The following CFAP97D2 variants were observed in gnomAD, a reference collection of about 807,000 sequenced individuals.
CFAP97D2 encodes uncharacterized protein CFAP97D2.
chr13:114,205,565 G>A (rs2080936030), intron 3 of CFAP97D2, among the ~76,000 whole-genome samples: 1 of 152,158 alleles, frequency 6.6e-6, no homozygotes, highest in Non-Finnish European at 1.5e-5. Flanking sequence ...AGTGAGGGTT[G>A]AACTTCTCTA....
chr13:114,219,197 T>G (rs1343660605), intron 4 of CFAP97D2, among the ~76,000 whole-genome samples: 1 of 152,244 alleles, frequency 6.6e-6, no homozygotes, highest in Non-Finnish European at 1.5e-5. Context: ...ATTTTTAATA[T>G]CTTTGGGTCA....
At position 114,196,261 on chromosome 13, in the gene CFAP97D2, C is replaced by T. The variant is rs190363154; in HGVS notation, c.91-135C>T. 74 of 396,920 alleles carry T rather than the reference C, an allele frequency of 1.9e-4. 1 individual carries two copies. In the East Asian group the frequency reaches 2.6e-3, roughly 14 times the overall value. 24.6% of individuals were successfully genotyped at this position (396,920 alleles called of 1,614,324 possible). ...GATACTCGGATTCCAAATCTAAGCA[C>T]GAGCCTCTTTCAGAACTTCAGGCCG... On this transcript the variant is annotated intron_variant, in intron 1 of 4. Coordinates refer to ENST00000646158, the Ensembl canonical transcript of CFAP97D2.
Position 114,189,584 on chromosome 13 carries a change from A to G in CFAP97D2, c.91-6812A>G, listed in dbSNP as rs950240676. 3.9e-5 allele frequency among the ~76,000 whole-genome samples: 6 copies of G among 152,220 alleles called. No individual in the cohort carries two copies. Among genetic ancestry groups the G allele is most frequent in the Non-Finnish European group, 4.4e-5 (3 of 68,044 alleles). ...GATGCAAAAATCCACAGCAAAACTT[A>G]GCAAATTCGATTAAAAGTGTATAAA... On this transcript the variant is annotated intron_variant, in intron 1 of 4. Transcript: ENST00000646158. This position sits in a 1 kb window ranked among gnomAD's most constrained non-coding sequence, Gnocchi z 4.5.
chr13:114,204,469 A>G (rs1227854992), intron 3 of CFAP97D2, among the ~76,000 whole-genome samples: 1 of 152,244 alleles, frequency 6.6e-6, no homozygotes, highest in Non-Finnish European at 1.5e-5. Context: ...TAAGAAAGCT[A>G]TAGTAATCAA....
chr13:114,214,325 C>T (rs1489152319), intron 4 of CFAP97D2: 7 of 152,220 alleles, frequency 4.6e-5, no homozygotes, highest in Non-Finnish European at 1.0e-4. Context: ...CAGCTACTAA[C>T]TCTGAAGGCA....
At chr13:114,221,298 A>G (rs1261391146) in intron 4 of CFAP97D2, among the ~76,000 whole-genome samples, 1 of 152,232 alleles carries the variant, frequency 6.6e-6, no homozygotes, top group East Asian at 1.9e-4. Flanking sequence ...GCAAAAGATA[A>G]ATTTGAGTTT....
intron 1 of CFAP97D2, among the ~76,000 whole-genome samples, chr13:114,182,032 G>C (rs149433398): frequency 6.6e-5 from 10 of 151,942 alleles, no homozygotes; most frequent in Non-Finnish European, 1.0e-4. Context: ...CCAGGGGACC[G>C]GCGCTCAGCA....
chr13:114,188,650 G>A (rs1229156627), intron 1 of CFAP97D2, among the ~76,000 whole-genome samples: 4 of 151,602 alleles, frequency 2.6e-5, no homozygotes, highest in Admixed American at 6.6e-5. Context: ...GGTGGTGGGC[G>A]CCTGTAGTCC....
chr13:114,197,151 G>A (rs1432198434), intron 2 of CFAP97D2, among the ~76,000 whole-genome samples: 1 of 152,112 alleles, frequency 6.6e-6, no homozygotes, highest in African/African-American at 2.4e-5. Context: ...ATTCTCTCCT[G>A]GATCAGGAAA....
intron 1 of CFAP97D2, among the ~76,000 whole-genome samples, chr13:114,193,859 T>A (rs1376271263): frequency 6.6e-6 from 1 of 152,216 alleles, no homozygotes; most frequent in African/African-American, 2.4e-5. Flanking sequence ...CTTGAACTCC[T>A]GACCTCAGAT....
At position 114,211,922 on chromosome 13, in the gene CFAP97D2, G is replaced by C; in HGVS notation, c.301G>C (p.Gly101Arg). 2.5e-6 allele frequency: 1 copy of C among 398,724 alleles called. No individual in the cohort carries two copies. 24.7% of individuals were successfully genotyped at this position (398,724 alleles called of 1,614,324 possible). Residue 101 changes from glycine (G) to arginine (R), a missense_variant, in exon 4 of 5, where the codon GGG (glycine) becomes CGG (arginine). Gly to Arg is a moderately radical substitution (Grantham distance 125). Coordinates refer to ENST00000646158, the Ensembl canonical transcript of CFAP97D2. This position sits in a 1 kb window ranked among gnomAD's most constrained non-coding sequence, Gnocchi z 4.2. ...TGCTCTTTCGTGGAGTCTGCACAGG[G>C]GGAAGAGAGAACAGGAACTTCGCAG...
chr13:114,221,089 A>G (rs1263453934), intron 4 of CFAP97D2, among the ~76,000 whole-genome samples: 1 of 152,230 alleles, frequency 6.6e-6, no homozygotes, highest in African/African-American at 2.4e-5. Flanking sequence ...TCTACTAAAA[A>G]TACAAAAATT....
chr13:114,216,876 A>G (rs1177354344), intron 4 of CFAP97D2, among the ~76,000 whole-genome samples: 1 of 152,252 alleles, frequency 6.6e-6, no homozygotes, highest in African/African-American at 2.4e-5. Context: ...ACTGTCTTCC[A>G]CAATGGTTGA....
At chr13:114,184,172 A>C (rs766001430) in intron 1 of CFAP97D2, among the ~76,000 whole-genome samples, 4 of 152,238 alleles carry the variant, frequency 2.6e-5, no homozygotes, top group Non-Finnish European at 4.4e-5. Flanking sequence ...CCGAACAGCC[A>C]AACAAGGAAC....
chr13:114,209,246 T>A (rs1247087225), intron 3 of CFAP97D2, among the ~76,000 whole-genome samples: 1 of 152,240 alleles, frequency 6.6e-6, no homozygotes, highest in African/African-American at 2.4e-5. Context: ...ACAGCTAATT[T>A]GCTCCAGTGA....
In CFAP97D2 at chr13:114,203,122, A is replaced by T. The variant is rs2138772931; in HGVS notation, c.290+2679A>T. The stretch of plus-strand genomic sequence containing the variant: ...AAGACATCGAAATTGGGAAGGAAGA[A>T]GCAAACTATTTCTATTCACAGATGA... On this transcript the variant is annotated intron_variant, in intron 3 of 4. Transcript: ENST00000646158. The surrounding 1 kb of genome is among the most constrained non-coding windows in gnomAD (Gnocchi z 4.3). Among the ~76,000 whole-genome samples the T allele has an allele frequency of 6.6e-6, 1 of 152,380 alleles. No individual in the cohort carries two copies. The highest frequency in any genetic ancestry group is 2.1e-4 in the South Asian group (1 of 4,834).
chr13:114,210,645 G>A (rs967002993), intron 3 of CFAP97D2, among the ~76,000 whole-genome samples: 7 of 151,952 alleles, frequency 4.6e-5, no homozygotes, highest in Admixed American at 2.0e-4. Flanking sequence ...GCACCACTTC[G>A]ATGCTGCAGA....
chr13:114,218,406 G>A (rs113108402), intron 4 of CFAP97D2, among the ~76,000 whole-genome samples: 8 of 152,244 alleles, frequency 5.3e-5, no homozygotes, highest in South Asian at 2.1e-4. Flanking sequence ...AACATTCCAC[G>A]CTCATGGATA....
chr13:114,197,937 G>A (rs1314562191), intron 2 of CFAP97D2, among the ~76,000 whole-genome samples: 1 of 151,984 alleles, frequency 6.6e-6, no homozygotes, highest in Non-Finnish European at 1.5e-5. Flanking sequence ...TGCCCGCCTC[G>A]GCCTCCTGAA....
Sources: allele counts gnomAD v4.1 joint callset (sites outside exome capture counted in the v4.1 genomes callset), GRCh38; gene constraint gnomAD v4.1.1; non-coding constraint Gnocchi (gnomAD v3.1); transcripts MANE v1.5; gene names NCBI Gene and HGNC (gene_info 2026-07-23, HGNC 2026-07-21).